Variants in C1orf159 observed in about 807,000 individuals in gnomAD.
C1orf159 encodes chromosome 1 open reading frame 159, also known as uncharacterized protein C1orf159.
C1orf159 carries 19 observed loss-of-function variants against 25.6 expected under a neutral mutation model. That is an observed-to-expected ratio of 0.74 (90% CI 0.52 to 1.09). C1orf159 has a LOEUF of 1.09. Among genes scored for constraint, C1orf159 ranks in the 50% least tolerant of loss-of-function variants. The pLI is 0.00. For missense variants in C1orf159, 274 were observed against 290.6 expected, an observed-to-expected ratio of 0.94 and a Z score of 0.42; for synonymous variants, 139 against 124.7, an observed-to-expected ratio of 1.12 and a Z score of -0.77.
In C1orf159 at chr1:1,082,920, C is replaced by A; in HGVS notation, c.570G>T (p.Pro190=). Residue 190 remains proline, a synonymous_variant, in exon 10 of 10, where the codon CCG becomes CCT. Transcript: ENST00000421241. ...AGACATTGCTGATACGGGCCTCCCCCGGGAAGGCAGCGGGATCCGTGGCCC... is the reference window on the plus strand; with the variant it reads ...AGACATTGCTGATACGGGCCTCCCCAGGGAAGGCAGCGGGATCCGTGGCCC... ...LDRATDPAAF[P]GEARISNV 6.2e-7 allele frequency: 1 copy of A among 1,600,804 alleles called. No individual in the cohort carries two copies. Among genetic ancestry groups the A allele is most frequent in the African/African-American group, 1.3e-5 (1 of 74,834 alleles).
In C1orf159 at chr1:1,108,210, GTT is replaced by G; in HGVS notation, c.-136+7848_-136+7849del. Among the ~76,000 whole-genome samples, 4 of 121,928 alleles carry G rather than the reference GTT, an allele frequency of 3.3e-5. 1 individual carries two copies. The highest frequency in any genetic ancestry group is 2.5e-4 in the Admixed American group (3 of 12,054). The allele number at this position is 121,928 out of a possible 152,430, so 80.0% of individuals were successfully genotyped here. ...ACAGCCACCATGTCTCAGCAGCACC[GTT>G]CACCACAGCCACCATGTCTCAGCAG... On this transcript the variant is annotated intron_variant, in intron 1 of 9. Coordinates refer to ENST00000421241, the MANE Select transcript of C1orf159 (RefSeq NM_017891.5).
At chr1:1,093,047 A>G (rs1645963884) in intron 1 of C1orf159, among the ~76,000 whole-genome samples, 1 of 152,048 alleles carries the variant, frequency 6.6e-6, no homozygotes, top group South Asian at 2.1e-4. Context: ...CAAAAAAAAA[A>G]AGCATGCTCT....
chr1:1,087,446 T>C lies in C1orf159; in HGVS notation c.244+56A>G. 5 of 1,459,558 alleles carry C rather than the reference T, an allele frequency of 3.4e-6. No homozygotes were observed. The highest frequency in any genetic ancestry group is 2.5e-5 in the East Asian group (1 of 40,046). The allele number at this position is 1,459,558 out of a possible 1,614,324, so 90.4% of individuals were successfully genotyped here. On this transcript the variant is annotated intron_variant, in intron 5 of 9. Coordinates refer to ENST00000421241, the MANE Select transcript of C1orf159 (RefSeq NM_017891.5). The surrounding 1 kb of genome is among the most constrained non-coding windows in gnomAD (Gnocchi z 8.3). ...GGGACACAGACAGCAACTCCCACAG[T>C]GTCTCCCACAGCTGGAGCTGTGAGA...
In C1orf159 at chr1:1,084,174, AG is replaced by A. The variant is rs753503095; in HGVS notation, c.502+178del. 3 of 1,532,642 alleles carry A rather than the reference AG, an allele frequency of 2.0e-6. No homozygotes were observed. In the East Asian group the frequency reaches 6.8e-5, roughly 35 times the overall value. The allele number at this position is 1,532,642 out of a possible 1,614,324, so 94.9% of individuals were successfully genotyped here. ...GCCAAATCCAGCTGAGATCCAGAGC[AG>A]GGGGCACCAGCCAAATCCGGCCCTG... On this transcript the variant is annotated intron_variant, in intron 9 of 9. Coordinates refer to ENST00000421241, the MANE Select transcript of C1orf159 (RefSeq NM_017891.5).
intron 1 of C1orf159, among the ~76,000 whole-genome samples, chr1:1,108,575 C>T (rs1159063738): frequency 7.0e-6 from 1 of 142,884 alleles, no homozygotes; most frequent in African/African-American, 2.6e-5. Flanking sequence ...GTCTCGGCAC[C>T]GTCCACCACA....
At chr1:1,095,780 A>G (rs373241069) in intron 1 of C1orf159, among the ~76,000 whole-genome samples, 23 of 152,356 alleles carry the variant, frequency 1.5e-4, no homozygotes, top group African/African-American at 5.3e-4. Flanking sequence ...TTCGCCATCA[A>G]AAGTACAACG....
chr1:1,094,091 C>CT (rs34691314), intron 1 of C1orf159, among the ~76,000 whole-genome samples: 2,612 of 145,338 alleles, frequency 0.018, 70 homozygotes, highest in African/African-American at 0.055. Flanking sequence ...CAACATATAC[C>CT]TTTTTTTTTT....
Position 1,087,268 on chromosome 1 carries a change from C to A in C1orf159, c.245-64G>T. 6.8e-7 allele frequency: 1 copy of A among 1,466,036 alleles called. No individual in the cohort carries two copies. Among genetic ancestry groups the A allele is most frequent in the Non-Finnish European group, 9.2e-7 (1 of 1,085,408 alleles). 90.8% of individuals were successfully genotyped at this position (1,466,036 alleles called of 1,614,324 possible). A position where few individuals can be genotyped will look rare whatever the true frequency, so the allele number is the denominator to read the frequency against. The stretch of plus-strand genomic sequence containing the variant: ...GAGCCCACGGGGACACCCACGTGCA[C>A]CCTGAAGGGATCTCAGGACGGAAAT... On this transcript the variant is annotated intron_variant, in intron 5 of 9. Coordinates refer to ENST00000421241, the MANE Select transcript of C1orf159 (RefSeq NM_017891.5). This position sits in a 1 kb window ranked among gnomAD's most constrained non-coding sequence, Gnocchi z 8.3.
At chr1:1,112,653 G>A (rs569998253) in intron 1 of C1orf159, among the ~76,000 whole-genome samples, 2 of 152,330 alleles carry the variant, frequency 1.3e-5, no homozygotes, top group East Asian at 3.9e-4. Context: ...CCTCCCTCCA[G>A]GGAACACATG....
At chr1:1,086,783 C>T (rs1557746778) in intron 6 of C1orf159, among the ~76,000 whole-genome samples, 15 of 151,820 alleles carry the variant, frequency 9.9e-5, no homozygotes, top group East Asian at 1.9e-4. Context: ...CAGCGTGAGC[C>T]GTGAGTGTGA....
At chr1:1,099,588 G>A (rs112803280) in intron 1 of C1orf159, among the ~76,000 whole-genome samples, 35 of 82,124 alleles carry the variant, frequency 4.3e-4, no homozygotes, top group African/African-American at 1.9e-3. Flanking sequence ...ATGATTGTGG[G>A]TTGTCTATTG....
chr1:1,112,242 C>G (rs1646267314), intron 1 of C1orf159, among the ~76,000 whole-genome samples: 1 of 152,254 alleles, frequency 6.6e-6, no homozygotes, highest in South Asian at 2.1e-4. Context: ...GATACGATCT[C>G]AGGAACTGGG....
At chr1:1,091,095 A>G in intron 3 of C1orf159, 1 of 893,980 alleles carries the variant, frequency 1.1e-6, no homozygotes, top group Non-Finnish European at 1.7e-6. Context: ...CAGCCAGGAC[A>G]GTGAGGGGTC....
At chr1:1,091,032 G>A in intron 3 of C1orf159, 1 of 1,435,176 alleles carries the variant, frequency 7.0e-7, no homozygotes, top group Non-Finnish European at 9.5e-7. Context: ...GCGGAGTGCG[G>A]GATAGAATCC....
rs1646241937 is a variant in C1orf159 at position 1,110,495 on chromosome 1, C to T, written c.-136+5565G>A. 6.6e-6 allele frequency among the ~76,000 whole-genome samples: 1 copy of T among 151,616 alleles called. No homozygotes were observed. The highest frequency in any genetic ancestry group is 2.1e-4 in the South Asian group (1 of 4,830). On this transcript the variant is annotated intron_variant, in intron 1 of 9. Transcript: ENST00000421241. The surrounding 1 kb of genome is among the most constrained non-coding windows in gnomAD (Gnocchi z 4.8). ...AAAATGGGCAAAAGACATCCTCGGA[C>T]ACTCAGAAAACGTGTGCGAATGGCA...
intron 1 of C1orf159, among the ~76,000 whole-genome samples, chr1:1,093,940 G>A (rs924635218): frequency 3.9e-5 from 6 of 152,222 alleles, no homozygotes; most frequent in African/African-American, 1.2e-4. Flanking sequence ...ATGTGCAGGA[G>A]TATCTCTGTG....
intron 3 of C1orf159, 27 bp downstream of exon 3, chr1:1,091,445 G>A (rs547227826): frequency 5.2e-5 from 81 of 1,544,670 alleles, no homozygotes; most frequent in Non-Finnish European, 6.0e-5. Context: ...GGCTTAGGCC[G>A]CGTGGACACG....
intron 1 of C1orf159, chr1:1,106,242 GTTAAA>G (rs1043922771): frequency 6.6e-6 from 1 of 152,258 alleles, no homozygotes; most frequent in South Asian, 2.1e-4. Flanking sequence ...AATACAAATG[GTTAAA>G]TTAAATACTT....
At position 1,087,558 on chromosome 1, in the gene C1orf159, C is replaced by T; in HGVS notation, c.188G>A (p.Cys63Tyr). ...GAGGGTTCCGTTCCCACAGCGGACG[C>T]AGCTGGCGCTCCCGTCCGCGTTCCA... ...RRWNADGSAS[C>Y]VRCGNGTLPA... The change falls in exon 5 of 10, where the codon TGC (cysteine) becomes TAC (tyrosine). Residue 63 changes from cysteine (C) to tyrosine (Y), a missense_variant. Cys to Tyr is a radical substitution (Grantham distance 194). Transcript: ENST00000421241. This position sits in a 1 kb window ranked among gnomAD's most constrained non-coding sequence, Gnocchi z 8.3. 1 of 1,549,126 alleles carries T rather than the reference C, an allele frequency of 6.5e-7. No individual in the cohort carries two copies. The highest frequency in any genetic ancestry group is 8.7e-7 in the Non-Finnish European group (1 of 1,146,622).
Sources: allele counts gnomAD v4.1 joint callset (sites outside exome capture counted in the v4.1 genomes callset), GRCh38; gene constraint gnomAD v4.1.1; non-coding constraint Gnocchi (gnomAD v3.1); transcripts MANE v1.5; gene names NCBI Gene and HGNC (gene_info 2026-07-23, HGNC 2026-07-21).